Variants in POT1 observed in about 807,000 individuals in gnomAD.
The protein encoded by POT1 is protection of telomeres protein 1.
Under a neutral mutation model 78.5 loss-of-function variants are expected in POT1, and 47 were observed. The ratio of observed to expected loss-of-function variants is 0.60; its 90% confidence interval spans 0.47 to 0.76. POT1 has a LOEUF of 0.76. Ranked by LOEUF, POT1 falls within the 30% of genes least tolerant of loss-of-function variation. The pLI is 0.00. For missense variants in POT1, 646 were observed against 749.9 expected (o/e 0.86, Z 1.62); for synonymous variants, 259 against 260.7 (o/e 0.99, Z 0.06).
chr7:124,863,727 T>TG, intron 7 of POT1, 87 bp from the exon 8 acceptor site: 2 of 1,089,276 alleles, frequency 1.8e-6, no homozygotes, highest in Non-Finnish European at 2.7e-6. Context: ...CTGGAAAGAT[T>TG]ATCAATTTTG....
intron 7 of POT1, among the ~76,000 whole-genome samples, chr7:124,866,959 T>C (rs1431562302): frequency 1.3e-5 from 2 of 152,232 alleles, no homozygotes; most frequent in Non-Finnish European, 2.9e-5. Context: ...GCTTCTCTTT[T>C]ATACTCCAAT....
chr7:124,853,491 A>G (rs530189612), intron 9 of POT1: 2 of 158,172 alleles, frequency 1.3e-5, no homozygotes, highest in African/African-American at 4.8e-5. Flanking sequence ...ACCTAAACGG[A>G]ATTCAAGCCC....
chr7:124,881,086 G>A (rs1352381072), intron 6 of POT1, among the ~76,000 whole-genome samples: 1 of 151,896 alleles, frequency 6.6e-6, no homozygotes, highest in East Asian at 1.9e-4. Context: ...CTTAATGATG[G>A]GGATACGTTC....
intron 12 of POT1, among the ~76,000 whole-genome samples, chr7:124,844,124 TG>T (rs1319091119): frequency 1.7e-5 from 2 of 118,190 alleles, no homozygotes; most frequent in African/African-American, 2.9e-5. Flanking sequence ...GTGGCGATTG[TG>T]GTTTTTTTTT....
intron 3 of POT1, among the ~76,000 whole-genome samples, chr7:124,906,371 G>C (rs1198267205): frequency 1.3e-5 from 2 of 151,686 alleles, no homozygotes; most frequent in African/African-American, 4.8e-5. Context: ...CCATCATTCT[G>C]AGGAAACTAT....
Position 124,863,531 on chromosome 7 carries a change from T to C in POT1, c.365A>G (p.Tyr122Cys), listed in dbSNP as rs1562993384. Reference protein sequence around the residue: ...APIIPRTSSKYFNFTTEDHKM... With the variant: ...APIIPRTSSKCFNFTTEDHKM... ...GTGGTCCTCAGTAGTGAAGTTAAAA[T>C]ACTTGCTTGAAGTGCGAGGTATGAT... is the stretch of plus-strand genomic sequence containing the variant. Residue 122 changes from tyrosine to cysteine, a missense_variant, in exon 8 of 19, where the codon TAT becomes TGT. Tyr to Cys is a radical substitution (Grantham distance 194). Around this residue, in one of 2 missense-constraint regions of POT1, gnomAD observed 252 missense variants for 341.4 expected, o/e 0.74. Coordinates refer to ENST00000357628, the MANE Select transcript of POT1 (RefSeq NM_015450.3). The C allele has an allele frequency of 6.2e-7, 1 of 1,613,952 alleles. No homozygotes were observed.
Position 124,863,475 on chromosome 7 carries a change from A to C in POT1, c.421T>G (p.Ser141Ala). The C allele has an allele frequency of 6.2e-7, 1 of 1,614,032 alleles. No homozygotes were observed. Among genetic ancestry groups the C allele is most frequent in the Non-Finnish European group, 8.5e-7 (1 of 1,179,912 alleles). The change falls in exon 8 of 19, where the codon TCT becomes GCT. Residue 141 changes from serine (S) to alanine (A), a missense_variant. Ser to Ala is a moderately conservative substitution (Grantham distance 99). Coordinates refer to ENST00000357628, the MANE Select transcript of POT1 (RefSeq NM_015450.3). Reference sequence around the variant, plus strand: ...GTCCAAGACGGTGACATATGAGTAGATGCCCAAACACGTAAGGCTTCTACC... The same window carrying C: ...GTCCAAGACGGTGACATATGAGTAGCTGCCCAAACACGTAAGGCTTCTACC... Reference protein sequence around the residue: ...KMVEALRVWASTHMSPSWTLL... With the variant: ...KMVEALRVWAATHMSPSWTLL...
chr7:124,822,699 C>G lies in POT1; in HGVS notation c.*1263G>C. On this transcript the variant is annotated 3_prime_UTR_variant, in exon 19 of 19. Transcript: ENST00000357628. ...CTATATTCTTGAAAATAAAATCAGTCTTTCTCATTGTCTCAAACAAGCTGA... is the reference window on the plus strand; with the variant it reads ...CTATATTCTTGAAAATAAAATCAGTGTTTCTCATTGTCTCAAACAAGCTGA... The G allele has an allele frequency of 7.1e-6, 2 of 283,078 alleles. No homozygotes were observed. The highest frequency in any genetic ancestry group is 3.3e-5 in the South Asian group (1 of 30,642). 17.5% of individuals were successfully genotyped at this position (283,078 alleles called of 1,614,324 possible). A position where few individuals can be genotyped will look rare whatever the true frequency, so the allele number is the denominator to read the frequency against.
intron 6 of POT1, among the ~76,000 whole-genome samples, chr7:124,877,179 C>T (rs1274830898): frequency 2.0e-5 from 3 of 152,196 alleles, no homozygotes; most frequent in Non-Finnish European, 2.9e-5. Flanking sequence ...AGCAGATTAA[C>T]ATCAGACTTT....
chr7:124,898,887 A>G (rs1796555822), intron 3 of POT1, among the ~76,000 whole-genome samples: 1 of 152,170 alleles, frequency 6.6e-6, no homozygotes, highest in African/African-American at 2.4e-5. Context: ...CAGTAGTAAG[A>G]AGCCATTCTC....
intron 2 of POT1, among the ~76,000 whole-genome samples, chr7:124,917,137 G>A (rs1797032918): frequency 6.6e-6 from 1 of 152,054 alleles, no homozygotes; most frequent in African/African-American, 2.4e-5. Context: ...CATTGAGAAG[G>A]CCCCACTCAC....
At chr7:124,908,530 T>C (rs541997548) in intron 3 of POT1, among the ~76,000 whole-genome samples, 1 of 152,104 alleles carries the variant, frequency 6.6e-6, no homozygotes, top group African/African-American at 2.4e-5. Flanking sequence ...CCTCTGTATA[T>C]GCTATTCTCT....
Position 124,853,120 on chromosome 7 carries a change from T to G in POT1, c.721A>C (p.Ile241Leu). Residue 241 changes from isoleucine to leucine, a missense_variant, in exon 10 of 19, where the codon ATC becomes CTC. Physicochemically the swap from Ile to Leu is conservative, Grantham distance 5. Transcript: ENST00000357628. ...TGAAGTTTGGTATGAAGGCTATAGA[T>G]TCTAAGAAAGCTTCCAACCTAAAAA... is the stretch of plus-strand genomic sequence containing the variant. Reference protein sequence around the residue: ...RSLKVGSFLRIYSLHTKLQSM... With the variant: ...RSLKVGSFLRLYSLHTKLQSM... 1 of 1,591,348 alleles carries G rather than the reference T, an allele frequency of 6.3e-7. No individual in the cohort carries two copies. Among genetic ancestry groups the G allele is most frequent in the Non-Finnish European group, 8.6e-7 (1 of 1,165,736 alleles).
intron 7 of POT1, among the ~76,000 whole-genome samples, chr7:124,864,937 T>C (rs1347134651): frequency 6.6e-6 from 1 of 152,226 alleles, no homozygotes; most frequent in Non-Finnish European, 1.5e-5. Context: ...ATCCAGCTTC[T>C]AGTTGCTAGC....
intron 14 of POT1, among the ~76,000 whole-genome samples, chr7:124,839,817 T>C (rs1454923474): frequency 6.6e-6 from 1 of 152,002 alleles, no homozygotes. Flanking sequence ...ATTTAGTCAA[T>C]CAAGAAACCT....
At chr7:124,863,129 A>C (rs1208564353) in intron 8 of POT1, among the ~76,000 whole-genome samples, 1 of 152,182 alleles carries the variant, frequency 6.6e-6, no homozygotes, top group Non-Finnish European at 1.5e-5. Flanking sequence ...TTTAACATGT[A>C]GATCTAATAA....
At chr7:124,844,079 G>A (rs1243459324) in intron 12 of POT1, among the ~76,000 whole-genome samples, 1 of 150,410 alleles carries the variant, frequency 6.6e-6, no homozygotes, top group Non-Finnish European at 1.5e-5. Context: ...TTACATCAGA[G>A]TGGAACATTT....
Position 124,842,897 on chromosome 7 carries a change from TGAG to T in POT1, c.1070_1072del (p.Pro357del), listed in dbSNP as rs1230766717. 1 of 1,609,410 alleles carries T rather than the reference TGAG, an allele frequency of 6.2e-7. No individual in the cohort carries two copies. Among genetic ancestry groups the T allele is most frequent in the South Asian group, 1.1e-5 (1 of 90,206 alleles). ...CAATTTTGCTCGGATGCGGTATTGT[TGAG>T]GAGCTTTTTGTTTCAAAATGGCACA... On this transcript the variant is annotated inframe_deletion, in exon 13 of 19. Transcript: ENST00000357628.
At chr7:124,835,233 A>C in intron 15 of POT1, 46 bp downstream of exon 15, 1 of 1,583,036 alleles carries the variant, frequency 6.3e-7, no homozygotes, top group Non-Finnish European at 8.6e-7. Context: ...CCAGAACTTA[A>C]AAGTATAATA....
Sources: allele counts gnomAD v4.1 joint callset (sites outside exome capture counted in the v4.1 genomes callset), GRCh38; gene constraint gnomAD v4.1.1; regional missense constraint gnomAD v4.1.1; transcripts MANE v1.5; gene names NCBI Gene and HGNC (gene_info 2026-07-23, HGNC 2026-07-21).